ZAP70: variants seen among roughly 807,000 people sequenced by gnomAD.
The protein encoded by ZAP70 is tyrosine-protein kinase ZAP-70.
ZAP70 carries 27 observed loss-of-function variants against 65.8 expected under a neutral mutation model. That is an observed-to-expected ratio of 0.41 (90% CI 0.30 to 0.57). The LOEUF is 0.57. Among genes scored for constraint, ZAP70 ranks in the 20% least tolerant of loss-of-function variants. The probability of loss-of-function intolerance (pLI) is 0.28; values close to 1 mark genes in which losing one functional copy is unlikely to be tolerated. For missense variants in ZAP70, 696 were observed against 870.5 expected (o/e 0.80, Z 2.52); for synonymous variants, 363 against 360.8 (o/e 1.01, Z -0.07).
chr2:97,724,199 C>A lies in ZAP70; in HGVS notation c.163C>A (p.Arg55Ser), dbSNP rs752880934. ...TGTGCTGTCGCTCGTGCACGATGTG[C>A]GCTTCCACCACTTTCCCATCGAGCG... ...GYVLSLVHDVRFHHFPIERQL... is the reference protein window; with the variant it reads ...GYVLSLVHDVSFHHFPIERQL... The change falls in exon 3 of 14, where the codon CGC becomes AGC. Residue 55 changes from arginine (R) to serine (S), a missense_variant. Transcript: ENST00000264972. The A allele has an allele frequency of 1.3e-6, 2 of 1,598,638 alleles. No homozygotes were observed.
At position 97,724,289 on chromosome 2, in the gene ZAP70, G is replaced by A. The variant is rs1305217788; in HGVS notation, c.253G>A (p.Glu85Lys). The A allele has an allele frequency of 1.9e-6, 3 of 1,599,852 alleles. No homozygotes were observed. ...KAHCGPAELC[E>K]FYSRDPDGLP... ...GCACTGTGGACCGGCAGAGCTCTGC[G>A]AGTTCTACTCGCGCGACCCCGACGG... Residue 85 changes from glutamate to lysine, a missense_variant, in exon 3 of 14, where the codon GAG (glutamate) becomes AAG (lysine). By Grantham distance (56) the Glu-to-Lys change is moderately conservative. Coordinates refer to ENST00000264972, the MANE Select transcript of ZAP70 (RefSeq NM_001079.4).
chr2:97,739,411 G>T lies in ZAP70; in HGVS notation c.1773G>T (p.Gln591His). 2 of 1,613,636 alleles carry T rather than the reference G, an allele frequency of 1.2e-6. No homozygotes were observed. The highest frequency in any genetic ancestry group is 1.7e-6 in the Non-Finnish European group (2 of 1,179,930). ...EDRPDFLTVE[Q>H]RMRACYYSLA... ...GCCCCGACTTCCTGACCGTGGAGCAGCGCATGCGAGCCTGTTACTACAGCC... is the reference window on the plus strand; with the variant it reads ...GCCCCGACTTCCTGACCGTGGAGCATCGCATGCGAGCCTGTTACTACAGCC... Residue 591 changes from glutamine to histidine, a missense_variant, in exon 14 of 14, where the codon CAG becomes CAT. Physicochemically the swap from Gln to His is conservative, Grantham distance 24. Around this residue, in one of 3 missense-constraint regions of ZAP70, gnomAD observed 78 missense variants for 88.6 expected, o/e 0.88. Coordinates refer to ENST00000264972, the MANE Select transcript of ZAP70 (RefSeq NM_001079.4).
the ZAP70 span, among the ~76,000 whole-genome samples, chr2:97,749,714 AT>A: frequency 2.0e-5 from 3 of 152,326 alleles, no homozygotes; most frequent in East Asian, 5.8e-4. Flanking sequence ...GCTGGGAGGA[AT>A]GGTCCAAATC....
At chr2:97,741,150 GAAGC>G (rs927557226), downstream of ZAP70, among the ~76,000 whole-genome samples, 2 of 152,172 alleles carry the variant, frequency 1.3e-5, no homozygotes, top group African/African-American at 4.8e-5. Flanking sequence ...AGGAAGGCTA[GAAGC>G]AAGGAGCCAG....
Position 97,734,384 on chromosome 2 carries a change from C to T in ZAP70, c.890-136C>T, listed in dbSNP as rs538552532. 256 of 1,444,602 alleles carry T rather than the reference C, an allele frequency of 1.8e-4. No homozygotes were observed. The East Asian group carries it at 3.6e-3, about 20-fold the overall frequency. 89.5% of individuals were successfully genotyped at this position (1,444,602 alleles called of 1,614,324 possible). A position where few individuals can be genotyped will look rare whatever the true frequency, so the allele number is the denominator to read the frequency against. ...GTGTGCGTGTGGATGTGCAGGAACA[C>T]GCATGGGCACCCACCTGCTTGTGCA... On this transcript the variant is annotated intron_variant, in intron 8 of 13. Coordinates refer to ENST00000264972, the MANE Select transcript of ZAP70 (RefSeq NM_001079.4).
At chr2:97,727,855 T>TCA (rs1386158207) in intron 4 of ZAP70, among the ~76,000 whole-genome samples, 1 of 151,916 alleles carries the variant, frequency 6.6e-6, no homozygotes, top group Non-Finnish European at 1.5e-5. Context: ...CATCTTGCAC[T>TCA]CACACACACA....
At chr2:97,716,316 T>C (rs1475139746) in intron 2 of ZAP70, among the ~76,000 whole-genome samples, 1 of 152,158 alleles carries the variant, frequency 6.6e-6, no homozygotes, top group African/African-American at 2.4e-5. Flanking sequence ...TGCAGACCTT[T>C]GTAGGTACCT....
chr2:97,747,815 GTTTTTTTTTTT>G, the ZAP70 span, among the ~76,000 whole-genome samples: 6 of 54,792 alleles, frequency 1.1e-4, no homozygotes, highest in Admixed American at 2.5e-4. Context: ...CTGGCACGAG[GTTTTTTTTTTT>G]TTTTTTTTTT....
chr2:97,728,946 T>A (rs1677498189), intron 4 of ZAP70, among the ~76,000 whole-genome samples: 1 of 152,200 alleles, frequency 6.6e-6, no homozygotes, highest in Non-Finnish European at 1.5e-5. Flanking sequence ...AGAGACAGGG[T>A]TTTGCCATGT....
the ZAP70 span, among the ~76,000 whole-genome samples, chr2:97,756,156 A>ATGAC: frequency 1.3e-5 from 2 of 152,172 alleles, no homozygotes; most frequent in African/African-American, 4.8e-5. Context: ...AGGACCCTCC[A>ATGAC]TGATTGCCAT....
chr2:97,724,105 C>T lies in ZAP70; in HGVS notation c.69C>T (p.His23=). The T allele has an allele frequency of 2.6e-6, 4 of 1,568,514 alleles. No homozygotes were observed. Among genetic ancestry groups the T allele is most frequent in the Non-Finnish European group, 3.4e-6 (4 of 1,160,038 alleles). The change falls in exon 3 of 14, where the codon CAC becomes CAT. Residue 23 remains histidine, a synonymous_variant. Coordinates refer to ENST00000264972, the MANE Select transcript of ZAP70 (RefSeq NM_001079.4). ...GSISRAEAEE[H]LKLAGMADGL... is the part of the protein sequence containing the mutation. Reference sequence around the variant, plus strand: ...TCTCGCGTGCCGAGGCCGAGGAGCACCTGAAGCTGGCGGGCATGGCGGACG... The same window carrying T: ...TCTCGCGTGCCGAGGCCGAGGAGCATCTGAAGCTGGCGGGCATGGCGGACG...
intron 10 of ZAP70, among the ~76,000 whole-genome samples, 169 bp downstream of exon 10, chr2:97,735,625 A>G (rs1677842834): frequency 6.6e-6 from 1 of 152,262 alleles, no homozygotes; most frequent in Non-Finnish European, 1.5e-5. Flanking sequence ...CCTGCAAAGC[A>G]GAGCTAACCC....
At chr2:97,742,102 G>A (rs975721019), downstream of ZAP70, among the ~76,000 whole-genome samples, 53 of 152,194 alleles carry the variant, frequency 3.5e-4, no homozygotes, top group African/African-American at 9.9e-4. Context: ...TGGCGGGGCT[G>A]GAAGGCTGAG....
Position 97,735,326 on chromosome 2 carries a change from G to A in ZAP70, c.1159G>A (p.Ala387Thr). The change falls in exon 10 of 14, where the codon GCG becomes ACG. Residue 387 changes from alanine (A) to threonine (T), a missense_variant. Ala to Thr is a moderately conservative substitution (Grantham distance 58, BLOSUM62 0). Coordinates refer to ENST00000264972, the MANE Select transcript of ZAP70 (RefSeq NM_001079.4). ...AGACACGGAAGAGATGATGCGCGAG[G>A]CGCAGATCATGCACCAGCTGGACAA... ...KADTEEMMRE[A>T]QIMHQLDNPY... The A allele has an allele frequency of 6.2e-7, 1 of 1,614,166 alleles. No individual in the cohort carries two copies. Among genetic ancestry groups the A allele is most frequent in the Non-Finnish European group, 8.5e-7 (1 of 1,179,994 alleles).
In ZAP70 at chr2:97,724,157, C is replaced by T; in HGVS notation, c.121C>T (p.Arg41Cys). Residue 41 changes from arginine (R) to cysteine (C), a missense_variant, in exon 3 of 14, where the codon CGC becomes TGC. By Grantham distance (180) the Arg-to-Cys change is radical. Around this residue, in one of 3 missense-constraint regions of ZAP70, gnomAD observed 551 missense variants for 630.0 expected, o/e 0.87. Coordinates refer to ENST00000264972, the MANE Select transcript of ZAP70 (RefSeq NM_001079.4). ...GCTCTTCCTGCTGCGCCAGTGCCTG[C>T]GCTCGCTGGGCGGCTATGTGCTGTC... ...DGLFLLRQCL[R>C]SLGGYVLSLV... 1.3e-6 allele frequency: 2 copies of T among 1,579,580 alleles called. No individual in the cohort carries two copies. Among genetic ancestry groups the T allele is most frequent in the Non-Finnish European group, 1.7e-6 (2 of 1,163,976 alleles).
intron 9 of ZAP70, 116 bp downstream of exon 9, chr2:97,734,828 C>T: frequency 5.0e-6 from 7 of 1,408,240 alleles, no homozygotes; most frequent in Non-Finnish European, 6.9e-6. Flanking sequence ...GCCTGGGAAA[C>T]AGACTCTGGG....
At chr2:97,749,004 C>CTTTT in the ZAP70 span, among the ~76,000 whole-genome samples, 15 of 114,984 alleles carry the variant, frequency 1.3e-4, no homozygotes, top group East Asian at 2.9e-4. Flanking sequence ...TGACACTTCC[C>CTTTT]TTTTTTTTTT....
chr2:97,739,611 T>C lies in ZAP70; in HGVS notation c.*113T>C. 6.8e-7 allele frequency: 1 copy of C among 1,466,032 alleles called. No homozygotes were observed. Among genetic ancestry groups the C allele is most frequent in the Non-Finnish European group, 9.2e-7 (1 of 1,091,020 alleles). 90.8% of individuals were successfully genotyped at this position (1,466,032 alleles called of 1,614,324 possible). On this transcript the variant is annotated 3_prime_UTR_variant, in exon 14 of 14. Coordinates refer to ENST00000264972, the MANE Select transcript of ZAP70 (RefSeq NM_001079.4). Reference sequence around the variant, plus strand: ...TGGTTGTCTCCACACACAGCTGGGCTGTGGTAGGGGGTGTCTCAGGCCACA... The same window carrying C: ...TGGTTGTCTCCACACACAGCTGGGCCGTGGTAGGGGGTGTCTCAGGCCACA...
downstream of ZAP70, among the ~76,000 whole-genome samples, chr2:97,740,110 G>A (rs1340863809): frequency 3.4e-5 from 5 of 149,040 alleles, no homozygotes; most frequent in Non-Finnish European, 7.4e-5. Context: ...CAGCTCCCCT[G>A]TGTGGAGATG....
Sources: allele counts gnomAD v4.1 joint callset (sites outside exome capture counted in the v4.1 genomes callset), GRCh38; gene constraint gnomAD v4.1.1; regional missense constraint gnomAD v4.1.1; transcripts MANE v1.5; gene names NCBI Gene and HGNC (gene_info 2026-07-23, HGNC 2026-07-21).